The following TPM1 variants were observed in gnomAD, a reference collection of about 807,000 sequenced individuals.
TPM1 encodes tropomyosin 1, also known as tropomyosin alpha-1 chain.
TPM1 carries 24 observed loss-of-function variants against 42.9 expected under a neutral mutation model. The observed-to-expected ratio is 0.56, with a 90% CI of 0.41 to 0.79. The LOEUF (loss-of-function observed/expected upper bound fraction) is 0.79, where lower values mean the gene tolerates loss of function less well. Among genes scored for constraint, TPM1 ranks in the 30% least tolerant of loss-of-function variants. The pLI, the probability that TPM1 is intolerant of heterozygous loss-of-function variation, is 0.00. For missense variants in TPM1, 158 were observed against 351.8 expected, an observed-to-expected ratio of 0.45 and a Z score of 4.41; for synonymous variants, 136 against 130.1, an observed-to-expected ratio of 1.05 and a Z score of -0.31.
At chr15:63,060,417 G>A (rs1223796507) in intron 4 of TPM1, among the ~76,000 whole-genome samples, 2 of 152,094 alleles carry the variant, frequency 1.3e-5, no homozygotes, top group African/African-American at 2.4e-5. Flanking sequence ...CTTGTCTCAC[G>A]TTAGTGTCTC....
intron 8 of TPM1, chr15:63,063,178 T>C (rs548425328): frequency 1.0e-6 from 1 of 985,392 alleles, no homozygotes; most frequent in African/African-American, 1.7e-5. Flanking sequence ...GGTTTTATTT[T>C]AGTAATAACC....
At chr15:63,062,977 C>T in intron 8 of TPM1, 1 of 1,383,432 alleles carries the variant, frequency 7.2e-7, no homozygotes, top group African/African-American at 1.5e-5. Context: ...TTTAGTGTTA[C>T]TTCCTAATTA....
At chr15:63,043,804 C>T in intron 1 of TPM1, 1 of 1,549,244 alleles carries the variant, frequency 6.5e-7, no homozygotes, top group Non-Finnish European at 8.7e-7. Flanking sequence ...AGGACAGCCT[C>T]CTGGCCGCCG....
intron 2 of TPM1, among the ~76,000 whole-genome samples, chr15:63,050,119 A>T (rs988643977): frequency 2.0e-5 from 3 of 152,244 alleles, no homozygotes; most frequent in South Asian, 2.1e-4. Context: ...TAAAGACAGT[A>T]CACTGATGCT....
chr15:63,068,654 C>G (rs1386278823), downstream of TPM1, among the ~76,000 whole-genome samples: 2 of 152,186 alleles, frequency 1.3e-5, no homozygotes, highest in African/African-American at 4.8e-5. Flanking sequence ...CCAGTGCATA[C>G]CGGGCTCTTG....
At chr15:63,062,883 A>G in intron 8 of TPM1, 1 of 1,505,986 alleles carries the variant, frequency 6.6e-7, no homozygotes, top group South Asian at 1.3e-5. Flanking sequence ...GCTTGACTTC[A>G]TGCTCATTAC....
intron 2 of TPM1, chr15:63,047,610 A>C (rs2032675238): frequency 6.6e-6 from 1 of 152,386 alleles, no homozygotes; most frequent in African/African-American, 2.4e-5. Flanking sequence ...TAAAGAGAAG[A>C]GACCATTTGG....
intron 5 of TPM1, chr15:63,061,191 C>T: frequency 6.2e-7 from 1 of 1,614,126 alleles, no homozygotes; most frequent in Non-Finnish European, 8.5e-7. Flanking sequence ...CCTGTGTCCA[C>T]TAACAGCCAA....
intron 1 of TPM1, 89 bp downstream of exon 1, chr15:63,043,032 G>T: frequency 8.3e-7 from 1 of 1,205,334 alleles, no homozygotes; most frequent in Non-Finnish European, 1.2e-6. Context: ...CGAGGACTCG[G>T]GGAGCCACCA....
downstream of TPM1, chr15:63,070,783 C>T: frequency 8.3e-7 from 1 of 1,205,822 alleles, no homozygotes; most frequent in Non-Finnish European, 1.0e-6. Context: ...TTTTACCTCT[C>T]CCTGTTCCCA....
chr15:63,048,510 C>T (rs1215708213), intron 2 of TPM1: 4 of 1,474,698 alleles, frequency 2.7e-6, no homozygotes, highest in African/African-American at 1.5e-5. Flanking sequence ...CCGCGGCAGC[C>T]GGGTCCGCAG....
chr15:63,063,434 A>G (rs899173935), intron 8 of TPM1: 1 of 956,506 alleles, frequency 1.0e-6, no homozygotes, highest in Non-Finnish European at 1.2e-6. Flanking sequence ...GACTTGCCAT[A>G]TAAAGTGTGG....
downstream of TPM1, chr15:63,070,773 T>G (rs1218001989): frequency 8.4e-7 from 1 of 1,186,908 alleles, no homozygotes; most frequent in Non-Finnish European, 1.1e-6. Context: ...TGTATTTGGT[T>G]TTTACCTCTC....
downstream of TPM1, chr15:63,069,990 T>C (rs2036517661): frequency 6.2e-7 from 1 of 1,613,096 alleles, no homozygotes; most frequent in Non-Finnish European, 8.5e-7. Flanking sequence ...GTGGAGCCCA[T>C]GTGCAGAAAA....
intron 2 of TPM1, among the ~76,000 whole-genome samples, chr15:63,050,052 T>G (rs1054675765): frequency 6.6e-6 from 1 of 152,248 alleles, no homozygotes; most frequent in African/African-American, 2.4e-5. Flanking sequence ...TTCAGTTCCC[T>G]GTGTGTAAAG....
intron 2 of TPM1, among the ~76,000 whole-genome samples, chr15:63,055,239 A>C (rs145489563): frequency 4.6e-5 from 7 of 152,274 alleles, no homozygotes; most frequent in African/African-American, 1.7e-4. Context: ...GATTTATTTC[A>C]CATTTGCCCT....
rs778154181 is a variant in TPM1 at position 63,062,535 on chromosome 15, A to G, written c.703-41A>G. On this transcript the variant is annotated intron_variant, in intron 7 of 9. Transcript: ENST00000403994. ...TTCCCTATGTTTGTAGCTACAGGAAACATAAAACTTCCCAACTTTAACTCA... is the reference window on the plus strand; with the variant it reads ...TTCCCTATGTTTGTAGCTACAGGAAGCATAAAACTTCCCAACTTTAACTCA... 3.7e-6 allele frequency: 6 copies of G among 1,608,272 alleles called. 1 individual carries two copies. The highest frequency in any genetic ancestry group is 3.3e-4 in the Middle Eastern group (2 of 6,012).
downstream of TPM1, chr15:63,071,010 G>A (rs1192605969): frequency 2.5e-6 from 4 of 1,603,542 alleles, no homozygotes; most frequent in African/African-American, 4.0e-5. Flanking sequence ...TGTGATTGAT[G>A]TTTGCCTGCC....
intron 1 of TPM1, 132 bp from the exon 2 acceptor site, chr15:63,043,895 C>T (rs2031801734): frequency 1.3e-6 from 2 of 1,551,592 alleles, no homozygotes; most frequent in South Asian, 2.4e-5. Flanking sequence ...TCTCTCTCTC[C>T]CTCCCTGTCT....
Sources: allele counts gnomAD v4.1 joint callset (sites outside exome capture counted in the v4.1 genomes callset), GRCh38; gene constraint gnomAD v4.1.1; transcripts MANE v1.5; gene names NCBI Gene and HGNC (gene_info 2026-07-23, HGNC 2026-07-21).